Variants in KCP observed in about 807,000 individuals in gnomAD.
The protein encoded by KCP is kielin/chordin-like protein.
In KCP, 194 loss-of-function variants were observed where a neutral mutation model predicts 212.7. The ratio of observed to expected loss-of-function variants is 0.91; its 90% CI spans 0.81 to 1.03. The LOEUF (loss-of-function observed/expected upper bound fraction) is 1.03, where lower values mean the gene tolerates loss of function less well. Among genes scored for constraint, KCP ranks in the 50% least tolerant of loss-of-function variants. The pLI, the probability that KCP is intolerant of heterozygous loss-of-function variation, is 0.00. For synonymous variants in KCP, 833 were observed against 865.3 expected (o/e 0.96, Z 0.65); for missense variants, 2,080 against 2,162.5 (o/e 0.96, Z 0.76).
intron 8 of KCP, among the ~76,000 whole-genome samples, chr7:128,896,869 G>A (rs374687766): frequency 1.7e-5 from 2 of 120,226 alleles, no homozygotes; most frequent in African/African-American, 3.3e-5. Flanking sequence ...CCAGCCTGGC[G>A]ACAGAGCAAG....
chr7:128,894,194 A>G lies in KCP; in HGVS notation c.925+6T>C. 6.6e-7 allele frequency: 1 copy of G among 1,521,082 alleles called. No homozygotes were observed. Among genetic ancestry groups the G allele is most frequent in the Non-Finnish European group, 8.9e-7 (1 of 1,127,738 alleles). The allele number at this position is 1,521,082 out of a possible 1,614,324, so 94.2% of individuals were successfully genotyped here. A position where few individuals can be genotyped will look rare whatever the true frequency, so the allele number is the denominator to read the frequency against. Reference sequence around the variant, plus strand: ...GGTCAGGCCTCTGCCCTACCCACTGACTCACCATCACACACAGGGCAGCAG... The same window carrying G: ...GGTCAGGCCTCTGCCCTACCCACTGGCTCACCATCACACACAGGGCAGCAG... On this transcript the variant is annotated splice_donor_region_variant and intron_variant, in intron 9 of 39. Coordinates refer to ENST00000610776, the MANE Select transcript of KCP (RefSeq NM_001366122.1).
intron 2 of KCP, among the ~76,000 whole-genome samples, 153 bp from the exon 3 acceptor site, chr7:128,907,606 G>C (rs993458308): frequency 6.6e-6 from 1 of 152,170 alleles, no homozygotes; most frequent in Non-Finnish European, 1.5e-5. Flanking sequence ...CAGCTCAAAC[G>C]ATCACCATTC....
chr7:128,881,603 G>A (rs1246493205), intron 31 of KCP, 23 bp downstream of exon 31: 11 of 1,458,246 alleles, frequency 7.5e-6, no homozygotes, highest in Non-Finnish European at 1.0e-5. Context: ...CTCTGAGGGT[G>A]GAGGCCAAGG....
At position 128,877,622 on chromosome 7, in the gene KCP, C is replaced by G; in HGVS notation, c.4480G>C (p.Ala1494Pro). ...GCACACAGGTCATACACACAGGCGGCAAAGAAGGGCTCCGGTGGCACCACA... is the reference window on the plus strand; with the variant it reads ...GCACACAGGTCATACACACAGGCGGGAAAGAAGGGCTCCGGTGGCACCACA... Reference protein sequence around the residue: ...HAVVPPEPFFAACVYDLCACG... With the variant: ...HAVVPPEPFFPACVYDLCACG... The change falls in exon 39 of 40, where the codon GCC (alanine) becomes CCC (proline). Residue 1494 changes from alanine to proline, a missense_variant. Transcript: ENST00000610776. 1 of 1,551,686 alleles carries G rather than the reference C, an allele frequency of 6.4e-7. No homozygotes were observed. Among genetic ancestry groups the G allele is most frequent in the African/African-American group, 1.4e-5 (1 of 73,176 alleles).
Position 128,877,552 on chromosome 7 carries a change from A to T in KCP, c.4550T>A (p.Leu1517Gln). The T allele has an allele frequency of 3.9e-6, 6 of 1,551,498 alleles. No individual in the cohort carries two copies. The highest frequency in any genetic ancestry group is 5.2e-6 in the Non-Finnish European group (6 of 1,146,980). The change falls in exon 39 of 40, where the codon CTG (leucine) becomes CAG (glutamine). Residue 1517 changes from leucine (L) to glutamine (Q), a missense_variant. Transcript: ENST00000610776. ...SSADACLCDA[L>Q]EAYASHCRQA... ...GCGACAGTGACTGGCGTAGGCTTCC[A>T]GGGCATCACAGAGGCAGGCATCAGC...
intron 13 of KCP, 96 bp downstream of exon 13, chr7:128,893,142 T>A: frequency 7.8e-7 from 1 of 1,289,322 alleles, no homozygotes; most frequent in Non-Finnish European, 1.1e-6. Context: ...CTAGTGGACT[T>A]AGCAACCCGT....
chr7:128,891,159 G>A, intron 19 of KCP, 26 bp downstream of exon 19: 1 of 1,539,794 alleles, frequency 6.5e-7, no homozygotes, highest in Admixed American at 2.0e-5. Flanking sequence ...CCCCAGGGAG[G>A]AGCAGCCGAG....
intron 2 of KCP, among the ~76,000 whole-genome samples, chr7:128,907,944 C>T (rs1418417408): frequency 2.6e-5 from 4 of 151,998 alleles, no homozygotes; most frequent in South Asian, 2.1e-4. Context: ...GCCTGGCCAA[C>T]GTGGTGAAAT....
intron 8 of KCP, among the ~76,000 whole-genome samples, chr7:128,897,922 A>G (rs982117433): frequency 4.6e-5 from 7 of 152,262 alleles, no homozygotes; most frequent in African/African-American, 1.7e-4. Context: ...GACAAGTCAG[A>G]AAGTCCCAAG....
intron 34 of KCP, 35 bp downstream of exon 34, chr7:128,880,351 T>G: frequency 3.0e-5 from 21 of 699,812 alleles, no homozygotes; most frequent in Non-Finnish European, 4.7e-5. Context: ...GCCCCCACCC[T>G]GACCCTCCCC....
At chr7:128,893,677 G>A (rs1396535543) in intron 11 of KCP, 129 bp downstream of exon 11, 2 of 1,063,686 alleles carry the variant, frequency 1.9e-6, no homozygotes, top group East Asian at 5.2e-5. Flanking sequence ...CCATGAGAAG[G>A]TGTGGTGAGG....
At chr7:128,880,847 AGG>A in intron 32 of KCP, 126 bp from the exon 33 acceptor site, 1 of 400,346 alleles carries the variant, frequency 2.5e-6, no homozygotes, top group Non-Finnish European at 4.4e-6. Context: ...ACAGTTCAAG[AGG>A]GGAATGAAAT....
rs2128945938 is a variant in KCP at position 128,887,131 on chromosome 7, T to A, written c.2598+84A>T. On this transcript the variant is annotated intron_variant, in intron 23 of 39. Coordinates refer to ENST00000610776, the MANE Select transcript of KCP (RefSeq NM_001366122.1). ...AGGGCAGAGTGTAGCCCTTGCCACC[T>A]GAGTGGAGGAGACAGCCTCTTCCTG... 4.0e-6 allele frequency: 5 copies of A among 1,265,660 alleles called. No individual in the cohort carries two copies. In the East Asian group the frequency reaches 1.3e-4, roughly 32 times the overall value. 78.4% of individuals were successfully genotyped at this position (1,265,660 alleles called of 1,614,324 possible).
chr7:128,878,880 G>T, intron 37 of KCP, 158 bp from the exon 38 acceptor site: 1 of 682,638 alleles, frequency 1.5e-6, no homozygotes, highest in Non-Finnish European at 2.4e-6. Context: ...CACCACCCTG[G>T]CCAAGGCCAA....
At position 128,879,597 on chromosome 7, in the gene KCP, G is replaced by C. The variant is rs955041191; in HGVS notation, c.4071C>G (p.Pro1357=). The C allele has an allele frequency of 6.4e-7, 1 of 1,550,566 alleles. No individual in the cohort carries two copies. Among genetic ancestry groups the C allele is most frequent in the South Asian group, 1.2e-5 (1 of 84,064 alleles). Residue 1357 remains proline, a synonymous_variant, in exon 37 of 40, where the codon CCC becomes CCG. Coordinates refer to ENST00000610776, the MANE Select transcript of KCP (RefSeq NM_001366122.1). ...CATACAGCAGCGGCTCCTGCAGGAAGGGCAAGGCCACCGGGTGCCCATCCA... is the reference window on the plus strand; with the variant it reads ...CATACAGCAGCGGCTCCTGCAGGAACGGCAAGGCCACCGGGTGCCCATCCA... The part of the protein sequence containing the change: ...VTVDGHPVAL[P]FLQEPLLYVE...
intron 29 of KCP, among the ~76,000 whole-genome samples, chr7:128,883,423 C>G (rs1793450771): frequency 6.6e-6 from 1 of 152,134 alleles, no homozygotes; most frequent in East Asian, 1.9e-4. Context: ...CAGGCGTGAG[C>G]TACCAACCTC....
chr7:128,888,649 CAGCCACACACACACAG>C (rs1563031476), intron 22 of KCP, among the ~76,000 whole-genome samples, 198 bp downstream of exon 22: 1 of 151,884 alleles, frequency 6.6e-6, no homozygotes, highest in Non-Finnish European at 1.5e-5. Flanking sequence ...CACACATACA[CAGCCACACACACACAG>C]AGCCACACAT....
At chr7:128,896,063 C>A (rs188739122) in intron 8 of KCP, among the ~76,000 whole-genome samples, 1 of 152,078 alleles carries the variant, frequency 6.6e-6, no homozygotes, top group Non-Finnish European at 1.5e-5. Context: ...ATCTTTCTGG[C>A]GACCACTGAA....
intron 8 of KCP, among the ~76,000 whole-genome samples, chr7:128,898,361 A>G (rs1283887425): frequency 6.6e-6 from 1 of 152,078 alleles, no homozygotes; most frequent in African/African-American, 2.4e-5. Flanking sequence ...CAGCCCCACT[A>G]TGACTCTTAA....
Sources: allele counts gnomAD v4.1 joint callset (sites outside exome capture counted in the v4.1 genomes callset), GRCh38; gene constraint gnomAD v4.1.1; transcripts MANE v1.5; gene names NCBI Gene and HGNC (gene_info 2026-07-23, HGNC 2026-07-21).